Variants in MAD1L1 observed in about 807,000 individuals in gnomAD.
The protein encoded by MAD1L1 is mitotic spindle assembly checkpoint protein MAD1.
Under a neutral mutation model 96.9 loss-of-function variants are expected in MAD1L1, and 95 were observed. The ratio of observed to expected loss-of-function variants is 0.98; its 90% CI spans 0.83 to 1.16. The LOEUF is 1.16. Ranked by LOEUF, MAD1L1 falls within the 50% of genes most tolerant of loss-of-function variation. The pLI is 0.00. For synonymous variants in MAD1L1, 473 were observed against 396.6 expected (o/e 1.19, Z -2.29); for missense variants, 1,007 against 954.4 (o/e 1.06, Z -0.73).
At chr7:2,055,088 CAG>C (rs1190727382) in intron 12 of MAD1L1, among the ~76,000 whole-genome samples, 1 of 152,224 alleles carries the variant, frequency 6.6e-6, no homozygotes, top group Non-Finnish European at 1.5e-5. Context: ...GCAGCAGAGA[CAG>C]AGGAAGCGGG....
At chr7:1,982,946 A>G (rs557425758) in intron 14 of MAD1L1, among the ~76,000 whole-genome samples, 1 of 152,320 alleles carries the variant, frequency 6.6e-6, no homozygotes, top group South Asian at 2.1e-4. Flanking sequence ...CCCCATGAAG[A>G]GGGTATTCTA....
At chr7:2,200,735 G>A (rs540571566) in intron 10 of MAD1L1, among the ~76,000 whole-genome samples, 9 of 152,296 alleles carry the variant, frequency 5.9e-5, no homozygotes, top group African/African-American at 1.2e-4. Flanking sequence ...GTGCTACCAC[G>A]AGGACCGCCT....
chr7:1,874,547 TA>T (rs748792228), intron 18 of MAD1L1: 4,064 of 337,598 alleles, frequency 0.012, 1 homozygote, highest in Admixed American at 0.017. Context: ...GCGGCTTCCT[TA>T]AAAAAAAAAA....
At chr7:2,063,707 C>A (rs1304374853) in intron 12 of MAD1L1, among the ~76,000 whole-genome samples, 2 of 152,242 alleles carry the variant, frequency 1.3e-5, no homozygotes, top group Non-Finnish European at 2.9e-5. Flanking sequence ...AGCCTGGGCA[C>A]GGTGCCAGCG....
intron 12 of MAD1L1, among the ~76,000 whole-genome samples, chr7:2,053,130 G>A (rs1205647886): frequency 1.3e-5 from 2 of 152,254 alleles, no homozygotes; most frequent in Non-Finnish European, 2.9e-5. Context: ...TGGTTGTTGG[G>A]AAAGTTGAAA....
intron 10 of MAD1L1, among the ~76,000 whole-genome samples, chr7:2,208,443 C>T (rs1391487883): frequency 1.3e-5 from 2 of 151,640 alleles, no homozygotes; most frequent in South Asian, 4.2e-4. Context: ...TACAGTGCAA[C>T]CAGGGGTGCA....
intron 10 of MAD1L1, among the ~76,000 whole-genome samples, chr7:2,209,252 C>T (rs1336706301): frequency 2.0e-5 from 3 of 152,202 alleles, no homozygotes; most frequent in Non-Finnish European, 4.4e-5. Flanking sequence ...AGAAGCCCTA[C>T]ATGGGGAAGA....
chr7:1,996,299 C>T (rs1349699624), intron 14 of MAD1L1, among the ~76,000 whole-genome samples: 10 of 118,842 alleles, frequency 8.4e-5, no homozygotes, highest in African/African-American at 3.3e-4. Context: ...GGCTGCTGGG[C>T]GGGCAGGGTC....
chr7:2,077,216 A>T (rs1183376483), intron 11 of MAD1L1, among the ~76,000 whole-genome samples: 1 of 152,192 alleles, frequency 6.6e-6, no homozygotes, highest in Non-Finnish European at 1.5e-5. Context: ...CTCAGTGATG[A>T]CGTCTGGCAT....
chr7:1,998,907 CCAGACCCCACAGTCCA>C (rs1462657368), intron 14 of MAD1L1, among the ~76,000 whole-genome samples: 4 of 149,490 alleles, frequency 2.7e-5, no homozygotes, highest in Admixed American at 6.7e-5. Context: ...CTGCTGGACA[CCAGACCCCACAGTCCA>C]CAGACCCCAC....
intron 18 of MAD1L1, among the ~76,000 whole-genome samples, chr7:1,875,967 C>G (rs1013091976): frequency 3.3e-5 from 5 of 152,236 alleles, no homozygotes; most frequent in African/African-American, 1.2e-4. Flanking sequence ...CGGCCGTCCA[C>G]AAGCCGGGAG....
At chr7:1,976,738 G>A (rs903675268) in intron 15 of MAD1L1, among the ~76,000 whole-genome samples, 3 of 152,186 alleles carry the variant, frequency 2.0e-5, no homozygotes, top group African/African-American at 4.8e-5. Flanking sequence ...TGACTGGTGC[G>A]TTTACAAACC....
chr7:2,226,827 T>C (rs1793925501), intron 3 of MAD1L1, among the ~76,000 whole-genome samples: 1 of 151,504 alleles, frequency 6.6e-6, no homozygotes, highest in Non-Finnish European at 1.5e-5. Flanking sequence ...CCGTCTCTAC[T>C]AAAAATACAA....
rs888533451 is a variant in MAD1L1, at chr7:1,943,495, T to C, written c.1597-6598A>G. On this transcript the variant is annotated intron_variant, in intron 16 of 18. Coordinates refer to ENST00000265854, the MANE Select transcript of MAD1L1 (RefSeq NM_001013836.2). ...CAAGGCATCTGAAGACAGACTTCTA[T>C]GAGTTCAATAGACACATGAAAAGCT... is the stretch of plus-strand genomic sequence containing the variant. Among the ~76,000 whole-genome samples, 9 of 152,174 alleles carry C rather than the reference T, an allele frequency of 5.9e-5. No individual in the cohort carries two copies. The South Asian group carries it at 6.2e-4, about 10-fold the overall frequency.
intron 11 of MAD1L1, chr7:2,079,747 G>C (rs776871658): frequency 1.1e-5 from 5 of 470,848 alleles, no homozygotes; most frequent in South Asian, 6.2e-5. Flanking sequence ...GGGAGCCCCG[G>C]CAAGCACGGC....
intron 12 of MAD1L1, among the ~76,000 whole-genome samples, chr7:2,037,617 C>A (rs551369892): frequency 1.4e-4 from 22 of 152,180 alleles, no homozygotes; most frequent in Non-Finnish European, 2.9e-4. Context: ...TCCGACATTG[C>A]ATCACTGTTA....
At chr7:1,874,328 G>C (rs183791487) in intron 18 of MAD1L1, among the ~76,000 whole-genome samples, 12 of 152,268 alleles carry the variant, frequency 7.9e-5, no homozygotes, top group African/African-American at 2.4e-4. Context: ...AGGACAGAGG[G>C]GGTGACCGTG....
In MAD1L1 at chr7:1,902,895, G is replaced by A. The variant is rs188671636; in HGVS notation, c.1808-4505C>T. Among the ~76,000 whole-genome samples, 687 of 146,420 alleles carry A rather than the reference G, an allele frequency of 4.7e-3. 10 individuals carry two copies. Among genetic ancestry groups the A allele is most frequent in the African/African-American group, 0.014 (514 of 37,684 alleles). ...TTGATGAAGCACTGTTCCAGGCAGC[G>A]AGGATGCAGTGGCCTATGGAAGACG... On this transcript the variant is annotated intron_variant, in intron 17 of 18. Coordinates refer to ENST00000265854, the MANE Select transcript of MAD1L1 (RefSeq NM_001013836.2).
At chr7:2,046,279 T>A (rs1322536937) in intron 12 of MAD1L1, among the ~76,000 whole-genome samples, 1 of 152,030 alleles carries the variant, frequency 6.6e-6, no homozygotes, top group Non-Finnish European at 1.5e-5. Context: ...CGCAGGCAAA[T>A]AAGATCGCCT....
Sources: allele counts gnomAD v4.1 joint callset (sites outside exome capture counted in the v4.1 genomes callset), GRCh38; gene constraint gnomAD v4.1.1; transcripts MANE v1.5; gene names NCBI Gene and HGNC (gene_info 2026-07-23, HGNC 2026-07-21).